The following EGFR variants were observed in gnomAD, a reference collection of about 807,000 sequenced individuals.
EGFR encodes the protein epidermal growth factor receptor, also known as avian erythroblastic leukemia viral (v-erb-b) oncogene homolog.
EGFR carries 58 observed loss-of-function variants against 143.0 expected under a neutral mutation model. The observed-to-expected ratio is 0.41, with a 90% CI of 0.33 to 0.50. EGFR has a LOEUF of 0.50. EGFR is among the 20% of genes least tolerant of loss of function. EGFR has a pLI of 0.39. For synonymous variants in EGFR, 613 were observed against 594.4 expected (o/e 1.03, Z -0.45); for missense variants, 1,307 against 1,579.0 (o/e 0.83, Z 2.92).
At chr7:55,174,604 G>A (rs1786507448) in intron 18 of EGFR, 118 bp from the exon 19 acceptor site, 1 of 894,578 alleles carries the variant, frequency 1.1e-6, no homozygotes, top group Admixed American at 1.8e-5. Context: ...CGGCTCCACA[G>A]CCCCAGTGTC....
chr7:55,156,540 C>T lies in EGFR; in HGVS notation c.1014C>T (p.Asn338=), dbSNP rs1785427295. Residue 338 remains asparagine, a synonymous_variant, in exon 9 of 28, where the codon AAC becomes AAT. Coordinates refer to ENST00000275493, the MANE Select transcript of EGFR (RefSeq NM_005228.5). ...KCEGPCRKVC[N]GIGIGEFKDS... is the part of the protein sequence containing the mutation. Reference sequence around the variant, plus strand: ...TCTCTCTTATCTCTGCAGTGTGTAACGGAATAGGTATTGGTGAATTTAAAG... The same window carrying T: ...TCTCTCTTATCTCTGCAGTGTGTAATGGAATAGGTATTGGTGAATTTAAAG... The T allele has an allele frequency of 1.9e-6, 3 of 1,614,152 alleles. No homozygotes were observed. The highest frequency in any genetic ancestry group is 2.5e-6 in the Non-Finnish European group (3 of 1,180,038).
chr7:55,168,747 T>C, intron 15 of EGFR: 1 of 608,816 alleles, frequency 1.6e-6, no homozygotes, highest in Non-Finnish European at 2.7e-6. Context: ...CACCTGTGTC[T>C]TCTCCCAAAG....
intron 23 of EGFR, 146 bp from the exon 24 acceptor site, chr7:55,200,170 A>G (rs1562804633): frequency 3.7e-6 from 3 of 805,432 alleles, no homozygotes; most frequent in Non-Finnish European, 6.5e-6. Flanking sequence ...GCTGGCCAAG[A>G]CAGAAAAGTC....
At chr7:55,089,199 A>G (rs1790953131) in intron 1 of EGFR, among the ~76,000 whole-genome samples, 1 of 151,976 alleles carries the variant, frequency 6.6e-6, no homozygotes, top group African/African-American at 2.4e-5. Context: ...TTTTGAACTG[A>G]AGTACGTGTA....
chr7:55,137,154 G>A (rs926618572), intron 1 of EGFR, among the ~76,000 whole-genome samples: 1 of 152,070 alleles, frequency 6.6e-6, no homozygotes, highest in Non-Finnish European at 1.5e-5. Flanking sequence ...TTTTCTAGAG[G>A]GTAGGCCTTT....
At chr7:55,059,832 A>G (rs1056150907) in intron 1 of EGFR, among the ~76,000 whole-genome samples, 1 of 152,178 alleles carries the variant, frequency 6.6e-6, no homozygotes, top group Non-Finnish European at 1.5e-5. Context: ...TATGCGTTAC[A>G]TCGTCCTTAT....
chr7:55,143,297 C>G lies in EGFR; in HGVS notation c.241-8C>G, dbSNP rs138872748. ...GAGAAATCACGCATTTATGTTTTCT[C>G]TTCTTAGACCATCCAGGAGGTGGCT... is the stretch of plus-strand genomic sequence containing the variant. On this transcript the variant is annotated splice_region_variant and splice_polypyrimidine_tract_variant and intron_variant, in intron 2 of 27. Transcript: ENST00000275493. 4.5e-4 allele frequency: 725 copies of G among 1,614,152 alleles called. No individual in the cohort carries two copies. Among genetic ancestry groups the G allele is most frequent in the Middle Eastern group, 2.8e-3 (17 of 6,034 alleles).
intron 15 of EGFR, among the ~76,000 whole-genome samples, chr7:55,169,560 T>C (rs1786243209): frequency 6.6e-6 from 1 of 151,696 alleles, no homozygotes; most frequent in Non-Finnish European, 1.5e-5. Flanking sequence ...ATGTATAAAT[T>C]CCTTACCAAA....
intron 20 of EGFR, among the ~76,000 whole-genome samples, chr7:55,190,358 A>G (rs940827835): frequency 6.6e-6 from 1 of 152,188 alleles, no homozygotes; most frequent in Non-Finnish European, 1.5e-5. Context: ...AGAGAAAAAC[A>G]TTAAAGGCCT....
At chr7:55,191,455 C>T (rs758754141) in intron 20 of EGFR, among the ~76,000 whole-genome samples, 9 of 152,074 alleles carry the variant, frequency 5.9e-5, no homozygotes, top group Non-Finnish European at 1.3e-4. Flanking sequence ...CAGCAGAGCT[C>T]CTGCTCTTCT....
chr7:55,111,731 T>A (rs1408247429), intron 1 of EGFR, among the ~76,000 whole-genome samples: 1 of 152,150 alleles, frequency 6.6e-6, no homozygotes, highest in African/African-American at 2.4e-5. Flanking sequence ...AGCCAGCTCC[T>A]CTGTAAAGAC....
intron 25 of EGFR, 42 bp from the exon 26 acceptor site, chr7:55,201,693 G>T (rs2128972409): frequency 6.2e-7 from 1 of 1,612,088 alleles, no homozygotes; most frequent in Non-Finnish European, 8.5e-7. Context: ...GATGAGATGT[G>T]GTACAAGCAT....
chr7:55,020,312 A>G (rs1786471291), intron 1 of EGFR, among the ~76,000 whole-genome samples: 1 of 152,060 alleles, frequency 6.6e-6, no homozygotes. Flanking sequence ...GGTCTGCTCC[A>G]CCTGCAGCCC....
chr7:55,202,193 GA>G (rs1226336950), intron 26 of EGFR, among the ~76,000 whole-genome samples: 1 of 152,234 alleles, frequency 6.6e-6, no homozygotes, highest in Non-Finnish European at 1.5e-5. Flanking sequence ...GAGTTAAAAT[GA>G]AATAAAATAT....
At chr7:55,023,965 G>A (rs1786736306) in intron 1 of EGFR, among the ~76,000 whole-genome samples, 2 of 152,178 alleles carry the variant, frequency 1.3e-5, no homozygotes, top group South Asian at 4.1e-4. Flanking sequence ...CCTCCATTGG[G>A]CCCATAGGCA....
intron 1 of EGFR, among the ~76,000 whole-genome samples, chr7:55,141,483 C>G (rs893264985): frequency 6.6e-6 from 1 of 152,140 alleles, no homozygotes; most frequent in Admixed American, 6.5e-5. Context: ...GTAACTGTGC[C>G]TCCGCCTGTG....
intron 1 of EGFR, among the ~76,000 whole-genome samples, chr7:55,094,415 A>G (rs1378821643): frequency 6.6e-6 from 1 of 152,224 alleles, no homozygotes; most frequent in Non-Finnish European, 1.5e-5. Flanking sequence ...ATCTGGGGAG[A>G]CTGGCCTATC....
chr7:55,097,814 A>C (rs1791568820), intron 1 of EGFR, among the ~76,000 whole-genome samples: 1 of 151,374 alleles, frequency 6.6e-6, no homozygotes, highest in Non-Finnish European at 1.5e-5. Context: ...GGATGATCCC[A>C]TTTGTCAAAA....
chr7:55,069,555 C>G (rs1476310319), intron 1 of EGFR, among the ~76,000 whole-genome samples: 3 of 152,206 alleles, frequency 2.0e-5, no homozygotes, highest in Non-Finnish European at 4.4e-5. Flanking sequence ...CAGAACCCAG[C>G]ACGTACTTTA....
Sources: allele counts gnomAD v4.1 joint callset (sites outside exome capture counted in the v4.1 genomes callset), GRCh38; gene constraint gnomAD v4.1.1; transcripts MANE v1.5; gene names NCBI Gene and HGNC (gene_info 2026-07-23, HGNC 2026-07-21).